The following LY96 variants were observed in gnomAD, a reference collection of about 807,000 sequenced individuals.
LY96 encodes myeloid differentiation protein-2.
In LY96, 18 loss-of-function variants were observed where a neutral mutation model predicts 18.9. The observed-to-expected ratio is 0.95, with a 90% CI of 0.66 to 1.41. The LOEUF (loss-of-function observed/expected upper bound fraction) is 1.41. Among genes scored for constraint, LY96 ranks in the 40% most tolerant of loss-of-function variants. The probability of loss-of-function intolerance (pLI) is 0.00; values close to 1 mark genes in which losing one functional copy is unlikely to be tolerated. For synonymous variants in LY96, 66 were observed against 62.6 expected (o/e 1.06, Z -0.26); for missense variants, 175 against 182.4 (o/e 0.96, Z 0.23).
At chr8:73,996,097 T>C (rs1315831264) in intron 1 of LY96, among the ~76,000 whole-genome samples, 1 of 152,014 alleles carries the variant, frequency 6.6e-6, no homozygotes, top group Non-Finnish European at 1.5e-5. Context: ...GCCCAGGAGG[T>C]CAAGGCTGCA....
chr8:74,079,353 A>G, the LY96 span, among the ~76,000 whole-genome samples: 3 of 152,216 alleles, frequency 2.0e-5, no homozygotes, highest in Non-Finnish European at 4.4e-5. Flanking sequence ...CTCTTTTTAT[A>G]TGTCTCTCTA....
intron 1 of LY96, among the ~76,000 whole-genome samples, chr8:73,993,686 G>A (rs982809239): frequency 2.0e-5 from 3 of 152,164 alleles, no homozygotes; most frequent in African/African-American, 4.8e-5. Flanking sequence ...CAGGTGATCC[G>A]CCCACCTTGG....
the LY96 span, among the ~76,000 whole-genome samples, chr8:74,082,948 AG>A: frequency 6.6e-6 from 1 of 152,120 alleles, no homozygotes; most frequent in Non-Finnish European, 1.5e-5. Flanking sequence ...GATCTGCTTC[AG>A]GGGAGAAGGC....
intron 3 of LY96, among the ~76,000 whole-genome samples, chr8:74,016,661 C>T (rs960989937): frequency 6.6e-6 from 1 of 152,172 alleles, no homozygotes; most frequent in Non-Finnish European, 1.5e-5. Context: ...ATGAAGCTTC[C>T]AGAGGAAGGA....
intron 1 of LY96, among the ~76,000 whole-genome samples, chr8:73,998,300 G>T (rs913260089): frequency 2.0e-5 from 3 of 152,070 alleles, no homozygotes; most frequent in African/African-American, 7.2e-5. Flanking sequence ...CTGGGGCAGA[G>T]ACAAAATATA....
At chr8:74,047,766 A>G in the LY96 span, among the ~76,000 whole-genome samples, 1 of 152,252 alleles carries the variant, frequency 6.6e-6, no homozygotes, top group East Asian at 1.9e-4. Flanking sequence ...CTGCTGTAGT[A>G]TTATCCAAAC....
the LY96 span, among the ~76,000 whole-genome samples, chr8:74,068,077 A>ATATAT: frequency 1.1e-4 from 11 of 98,492 alleles, no homozygotes; most frequent in African/African-American, 6.8e-4. Context: ...AAAAAAAAAA[A>ATATAT]AAAAAAAAAA....
the LY96 span, among the ~76,000 whole-genome samples, chr8:74,088,083 A>AAGAATAAAATAGAATAGAATAGAAT: frequency 1.2e-4 from 14 of 120,430 alleles, no homozygotes; most frequent in Non-Finnish European, 1.0e-4. Flanking sequence ...TCACTGAGAG[A>AAGAATAAAATAGAATAGAATAGAAT]AGAATAGAAT....
chr8:74,065,440 A>G, the LY96 span, among the ~76,000 whole-genome samples: 3 of 152,194 alleles, frequency 2.0e-5, no homozygotes, highest in Non-Finnish European at 4.4e-5. Flanking sequence ...TTTTGGTTGT[A>G]TTATTCTTAT....
At chr8:74,018,485 C>T (rs1816691370) in intron 3 of LY96, among the ~76,000 whole-genome samples, 1 of 152,214 alleles carries the variant, frequency 6.6e-6, no homozygotes, top group Admixed American at 6.5e-5. Context: ...GATACTTTAA[C>T]ACCCCACTGT....
In LY96 at chr8:74,026,776, A is replaced by G. The variant is rs1397168320; in HGVS notation, c.332-13A>G. The G allele has an allele frequency of 4.7e-6, 7 of 1,479,462 alleles. No homozygotes were observed. The Admixed American group carries it at 6.7e-5, about 14-fold the overall frequency. The allele number at this position is 1,479,462 out of a possible 1,614,324, so 91.6% of individuals were successfully genotyped here. A position where few individuals can be genotyped will look rare whatever the true frequency, so the allele number is the denominator to read the frequency against. ...TGACCAATAACGTTTTGTATTTTAT[A>G]TTTTGTTTGCAGAGACTGTGAATAC... On this transcript the variant is annotated splice_polypyrimidine_tract_variant and intron_variant, in intron 3 of 4. Coordinates refer to ENST00000284818, the MANE Select transcript of LY96 (RefSeq NM_015364.5).
chr8:74,034,977 A>C, the LY96 span, among the ~76,000 whole-genome samples: 1 of 152,322 alleles, frequency 6.6e-6, no homozygotes, highest in Admixed American at 6.5e-5. Flanking sequence ...AAAGGAAGAT[A>C]ATTACTGACA....
the LY96 span, among the ~76,000 whole-genome samples, chr8:74,050,931 G>A: frequency 3.9e-5 from 6 of 152,198 alleles, no homozygotes; most frequent in African/African-American, 1.2e-4. Flanking sequence ...GCTGAGGCAG[G>A]AGAATCGCTT....
At chr8:74,041,452 G>A in the LY96 span, among the ~76,000 whole-genome samples, 2 of 152,334 alleles carry the variant, frequency 1.3e-5, no homozygotes, top group East Asian at 3.9e-4. Flanking sequence ...CTGACTGCCT[G>A]TGGGGTTGGG....
At chr8:74,055,650 A>G in the LY96 span, among the ~76,000 whole-genome samples, 2 of 152,220 alleles carry the variant, frequency 1.3e-5, no homozygotes, top group Non-Finnish European at 2.9e-5. Flanking sequence ...AATCAAGGTC[A>G]TAGGTCTTAA....
chr8:74,051,259 T>G, the LY96 span, among the ~76,000 whole-genome samples: 10 of 152,186 alleles, frequency 6.6e-5, no homozygotes, highest in Non-Finnish European at 1.2e-4. Flanking sequence ...TAACTGCTAA[T>G]GAGAACAACA....
intron 1 of LY96, among the ~76,000 whole-genome samples, chr8:73,996,527 C>T (rs577032924): frequency 1.3e-4 from 20 of 151,672 alleles, no homozygotes; most frequent in Non-Finnish European, 2.4e-4. Context: ...AAGCGATTTT[C>T]GTGCCTCGGC....
At chr8:74,013,350 T>C (rs1182616733) in intron 3 of LY96, among the ~76,000 whole-genome samples, 1 of 152,190 alleles carries the variant, frequency 6.6e-6, no homozygotes, top group Non-Finnish European at 1.5e-5. Flanking sequence ...CTCAAACTCC[T>C]GACCTCAGGC....
the LY96 span, among the ~76,000 whole-genome samples, chr8:74,059,043 C>T: frequency 7.2e-4 from 110 of 152,248 alleles, 2 homozygotes; most frequent in African/African-American, 2.5e-3. Context: ...AGGCCTTCCA[C>T]GGATTGAATG....
Sources: allele counts gnomAD v4.1 joint callset (sites outside exome capture counted in the v4.1 genomes callset), GRCh38; gene constraint gnomAD v4.1.1; transcripts MANE v1.5; gene names NCBI Gene and HGNC (gene_info 2026-07-23, HGNC 2026-07-21).